ETV6: variants seen among roughly 807,000 people sequenced by gnomAD.
ETV6 encodes transcription factor ETV6.
In ETV6, 16 loss-of-function variants were observed where a neutral mutation model predicts 51.1. The observed-to-expected ratio is 0.31, with a 90% confidence interval of 0.21 to 0.48. The LOEUF (loss-of-function observed/expected upper bound fraction) is 0.48. Ranked by LOEUF, ETV6 falls within the 20% of genes least tolerant of loss-of-function variation. The pLI is 0.99. For synonymous variants in ETV6, 240 were observed against 224.1 expected, an observed-to-expected ratio of 1.07 and a Z score of -0.64; for missense variants, 458 against 594.8, an observed-to-expected ratio of 0.77 and a Z score of 2.39.
intron 2 of ETV6, among the ~76,000 whole-genome samples, chr12:11,825,451 A>T (rs1591701600): frequency 6.6e-6 from 1 of 152,228 alleles, no homozygotes; most frequent in Non-Finnish European, 1.5e-5. Flanking sequence ...AAAAACCACA[A>T]AGCAAGCTTT....
intron 1 of ETV6, among the ~76,000 whole-genome samples, chr12:11,669,291 G>GGGGAA (rs1319588215): frequency 1.3e-5 from 2 of 151,790 alleles, no homozygotes; most frequent in East Asian, 3.9e-4. Flanking sequence ...GTGGGAGGAG[G>GGGGAA]GGGAAGGAAC....
chr12:11,700,906 A>C (rs902317382), intron 1 of ETV6, among the ~76,000 whole-genome samples: 2 of 152,124 alleles, frequency 1.3e-5, no homozygotes, highest in African/African-American at 4.8e-5. Context: ...TCGAGGGTCC[A>C]CTGTATTTCA....
At chr12:11,760,161 G>T (rs549829054) in intron 2 of ETV6, among the ~76,000 whole-genome samples, 2 of 152,338 alleles carry the variant, frequency 1.3e-5, no homozygotes, top group South Asian at 2.1e-4. Flanking sequence ...GCCACATGCT[G>T]ACTGTAAATT....
intron 2 of ETV6, among the ~76,000 whole-genome samples, chr12:11,767,555 G>A (rs1261070220): frequency 1.3e-5 from 2 of 152,194 alleles, no homozygotes; most frequent in Non-Finnish European, 2.9e-5. Context: ...GGAGGCCAGG[G>A]TTCAATCCTG....
At chr12:11,656,707 TG>T (rs1864005217) in intron 1 of ETV6, among the ~76,000 whole-genome samples, 1 of 152,248 alleles carries the variant, frequency 6.6e-6, no homozygotes, top group African/African-American at 2.4e-5. Flanking sequence ...CGGTGCTTAA[TG>T]GCTTCTTCAT....
intron 1 of ETV6, among the ~76,000 whole-genome samples, chr12:11,696,320 T>C (rs1864877581): frequency 6.6e-6 from 1 of 152,234 alleles, no homozygotes; most frequent in Admixed American, 6.5e-5. Context: ...CACATAGAGC[T>C]GTGCCTAGAG....
intron 2 of ETV6, among the ~76,000 whole-genome samples, chr12:11,834,540 A>G (rs6488461): frequency 0.014 from 2,136 of 152,336 alleles, 51 homozygotes; most frequent in African/African-American, 0.048. Flanking sequence ...CTTTTGTGAG[A>G]ATTACATGAG....
At chr12:11,797,534 A>G (rs1024745953) in intron 2 of ETV6, among the ~76,000 whole-genome samples, 4 of 152,224 alleles carry the variant, frequency 2.6e-5, no homozygotes, top group African/African-American at 9.6e-5. Context: ...CTGGGTAGGA[A>G]CCAAGATAGG....
At chr12:11,839,413 CAAGG>C in intron 3 of ETV6, 109 bp downstream of exon 3, 1 of 1,110,834 alleles carries the variant, frequency 9.0e-7, no homozygotes, top group Non-Finnish European at 1.3e-6. Flanking sequence ...TGAGTCATCA[CAAGG>C]AAGGGATGAC....
At chr12:11,870,649 A>G (rs1946868219) in intron 5 of ETV6, among the ~76,000 whole-genome samples, 2 of 152,244 alleles carry the variant, frequency 1.3e-5, no homozygotes, top group South Asian at 4.1e-4. Flanking sequence ...TAACCATGTG[A>G]CAAGGTTAGC....
Position 11,752,533 on chromosome 12 carries a change from A to G in ETV6, c.117A>G (p.Arg39=). 1 of 1,613,830 alleles carries G rather than the reference A, an allele frequency of 6.2e-7. No individual in the cohort carries two copies. The highest frequency in any genetic ancestry group is 8.5e-7 in the Non-Finnish European group (1 of 1,179,986). ...SSTPLHVPVP[R]ALRMEEDSIR... ...CGCCACTTCATGTTCCAGTGCCTCG[A>G]GCGCTCAGGATGGAGGAAGACTCGA... Residue 39 remains arginine, a synonymous_variant, in exon 2 of 8, where the codon CGA becomes CGG. Transcript: ENST00000396373.
chr12:11,823,912 T>C (rs1418444772), intron 2 of ETV6, among the ~76,000 whole-genome samples: 3 of 152,380 alleles, frequency 2.0e-5, no homozygotes, highest in African/African-American at 7.2e-5. Flanking sequence ...CTGTGGTTGT[T>C]GTCTCTGTTT....
chr12:11,674,962 C>T lies in ETV6; in HGVS notation c.33+24802C>T, dbSNP rs1864392194. On this transcript the variant is annotated intron_variant, in intron 1 of 7. Coordinates refer to ENST00000396373, the MANE Select transcript of ETV6 (RefSeq NM_001987.5). ...AGGAAAGCTGGAGCCCCTCAGTCAA[C>T]ATTTATGGAAGGGATTTAATGCATC... is the stretch of plus-strand genomic sequence containing the variant. Among the ~76,000 whole-genome samples, 3 of 152,190 alleles carry T rather than the reference C, an allele frequency of 2.0e-5. No homozygotes were observed. In the South Asian group the frequency reaches 6.2e-4, roughly 31 times the overall value.
chr12:11,653,160 C>A (rs1480569901), intron 1 of ETV6, among the ~76,000 whole-genome samples: 2 of 152,200 alleles, frequency 1.3e-5, no homozygotes, highest in Non-Finnish European at 2.9e-5. Context: ...GATCAACTCT[C>A]TATAAAAAGT....
intron 5 of ETV6, among the ~76,000 whole-genome samples, chr12:11,874,376 CA>C (rs35586470): frequency 0.79 from 51,818 of 65,596 alleles, 20,808 homozygotes; most frequent in East Asian, 0.99. Context: ...TACTCTGTCT[CA>C]AAAAAAAAAA....
At position 11,839,144 on chromosome 12, in the gene ETV6, G is replaced by A; in HGVS notation, c.168G>A (p.Leu56=). 1 of 1,613,772 alleles carries A rather than the reference G, an allele frequency of 6.2e-7. No individual in the cohort carries two copies. The highest frequency in any genetic ancestry group is 1.3e-5 in the African/African-American group (1 of 75,066). The change falls in exon 3 of 8, where the codon TTG becomes TTA. Residue 56 remains leucine, a synonymous_variant. Coordinates refer to ENST00000396373, the MANE Select transcript of ETV6 (RefSeq NM_001987.5). ...DSIRLPAHLR[L]QPIYWSRDDV... ...GCCTCATGCTCTCTCCAACAGGCTT[G>A]CAGCCAATTTACTGGAGCAGGGATG...
intron 1 of ETV6, among the ~76,000 whole-genome samples, chr12:11,741,537 A>G (rs976573055): frequency 1.3e-5 from 2 of 152,104 alleles, no homozygotes; most frequent in African/African-American, 4.8e-5. Context: ...GGAGCTCCGG[A>G]AAGTGAAGCT....
Position 11,869,505 on chromosome 12 carries a change from C to G in ETV6, c.545C>G (p.Ser182Cys), listed in dbSNP as rs760638102. Residue 182 changes from serine to cysteine, a missense_variant, in exon 5 of 8, where the codon TCC (serine) becomes TGC (cysteine). Coordinates refer to ENST00000396373, the MANE Select transcript of ETV6 (RefSeq NM_001987.5). This position sits in a 1 kb window ranked among gnomAD's most constrained non-coding sequence, Gnocchi z 5.0. ...NPPTIELLHR[S>C]RSPITTNHRP... ...CCCACCATTGAACTGTTGCACCGCTCCAGGTCACCTATCACGACAAATCAC... is the reference window on the plus strand; with the variant it reads ...CCCACCATTGAACTGTTGCACCGCTGCAGGTCACCTATCACGACAAATCAC... 6.2e-7 allele frequency: 1 copy of G among 1,614,168 alleles called. No individual in the cohort carries two copies. Among genetic ancestry groups the G allele is most frequent in the South Asian group, 1.1e-5 (1 of 91,088 alleles).
At chr12:11,723,993 G>A (rs1233857068) in intron 1 of ETV6, among the ~76,000 whole-genome samples, 1 of 151,980 alleles carries the variant, frequency 6.6e-6, no homozygotes, top group Non-Finnish European at 1.5e-5. Flanking sequence ...GTCACCCTAT[G>A]TTCTCTGACC....
Sources: gnomAD v4.1 joint callset for allele counts (sites outside exome capture counted in the v4.1 genomes callset) on GRCh38, gnomAD v4.1.1 for gene constraint, Gnocchi (gnomAD v3.1) non-coding constraint, MANE v1.5 for transcripts, NCBI Gene and HGNC (gene_info 2026-07-23, HGNC 2026-07-21) for gene names.